Variants in ROBO1 observed in about 807,000 individuals in gnomAD.
ROBO1 encodes roundabout guidance receptor 1.
Under a neutral mutation model 195.9 loss-of-function variants are expected in ROBO1, and 149 were observed. The ratio of observed to expected loss-of-function variants is 0.76; its 90% confidence interval spans 0.67 to 0.87. The LOEUF is 0.87. Among genes scored for constraint, ROBO1 ranks in the 40% least tolerant of loss-of-function variants. The pLI, the probability that ROBO1 is intolerant of heterozygous loss-of-function variation, is 0.00. For missense variants in ROBO1, 1,933 were observed against 2,068.3 expected (o/e 0.93, Z 1.27); for synonymous variants, 816 against 733.2 (o/e 1.11, Z -1.82).
intron 4 of ROBO1, among the ~76,000 whole-genome samples, chr3:78,805,092 G>C (rs1177671651): frequency 6.6e-6 from 1 of 152,004 alleles, no homozygotes; most frequent in Non-Finnish European, 1.5e-5. Context: ...TGATTCATTT[G>C]ATCTTCAAAT....
At chr3:79,038,060 A>T (rs144279194) in intron 3 of ROBO1, among the ~76,000 whole-genome samples, 12 of 152,332 alleles carry the variant, frequency 7.9e-5, no homozygotes, top group African/African-American at 2.2e-4. Context: ...GCACTTTCTT[A>T]AACTTTACAG....
At chr3:79,043,222 C>CA (rs1196008398) in intron 3 of ROBO1, among the ~76,000 whole-genome samples, 1 of 151,960 alleles carries the variant, frequency 6.6e-6, no homozygotes, top group African/African-American at 2.4e-5. Flanking sequence ...TAATACAGTA[C>CA]AAAAAACAAG....
intron 2 of ROBO1, among the ~76,000 whole-genome samples, chr3:79,510,438 C>T (rs1414346124): frequency 6.6e-6 from 1 of 152,150 alleles, no homozygotes; most frequent in East Asian, 1.9e-4. Context: ...CATTCTCTGG[C>T]ATTTCTTCAT....
Position 78,617,860 on chromosome 3 carries a change from G to T in ROBO1, c.4057C>A (p.Gln1353Lys), listed in dbSNP as rs1418875341. 2 of 1,613,862 alleles carry T rather than the reference G, an allele frequency of 1.2e-6. No individual in the cohort carries two copies. The highest frequency in any genetic ancestry group is 1.7e-6 in the Non-Finnish European group (2 of 1,179,896). The change falls in exon 27 of 31, where the codon CAG becomes AAG. Residue 1353 changes from glutamine to lysine, a missense_variant. Gln to Lys is a moderately conservative substitution (Grantham distance 53, BLOSUM62 1). Coordinates refer to ENST00000464233, the MANE Select transcript of ROBO1 (RefSeq NM_002941.4). ...TRRLLLRGLEQTPASSVGDLE... is the reference protein window; with the variant it reads ...TRRLLLRGLEKTPASSVGDLE... ...TCCCCAACACTGGAGGCAGGTGTCT[G>T]CTCAAGCCCACGTAACAAAAGCCTT...
At chr3:79,017,450 AGTGT>A (rs60522056) in intron 3 of ROBO1, among the ~76,000 whole-genome samples, 2,927 of 133,442 alleles carry the variant, frequency 0.022, 45 homozygotes, top group South Asian at 0.05. Context: ...TCCGAGGTGC[AGTGT>A]GTGTGTGTGT....
At chr3:79,448,630 G>A (rs958514585) in intron 2 of ROBO1, among the ~76,000 whole-genome samples, 4 of 152,072 alleles carry the variant, frequency 2.6e-5, no homozygotes, top group African/African-American at 7.2e-5. Context: ...TCCTCACCGC[G>A]ATATGAGCTT....
chr3:79,409,689 G>A (rs1170660440), intron 2 of ROBO1, among the ~76,000 whole-genome samples: 1 of 152,066 alleles, frequency 6.6e-6, no homozygotes, highest in African/African-American at 2.4e-5. Context: ...ATTTGAATAG[G>A]AAAAGGTTGA....
chr3:79,175,443 G>A (rs1232222972), intron 2 of ROBO1, among the ~76,000 whole-genome samples: 1 of 152,130 alleles, frequency 6.6e-6, no homozygotes, highest in Non-Finnish European at 1.5e-5. Flanking sequence ...ACTCTGCCTG[G>A]CCCCACCCTG....
chr3:79,135,049 A>C (rs200303789), intron 2 of ROBO1, among the ~76,000 whole-genome samples: 1 of 66,556 alleles, frequency 1.5e-5, no homozygotes, highest in Non-Finnish European at 3.2e-5. Context: ...AAAAAAAAAC[A>C]TTAAAAAAAA....
chr3:79,452,321 C>G, intron 2 of ROBO1, among the ~76,000 whole-genome samples: 1 of 151,990 alleles, frequency 6.6e-6, no homozygotes, highest in East Asian at 1.9e-4. Flanking sequence ...CATATCACAC[C>G]ACTCATATCC....
chr3:78,764,437 C>A (rs1263280157), intron 4 of ROBO1, among the ~76,000 whole-genome samples: 1 of 151,986 alleles, frequency 6.6e-6, no homozygotes, highest in African/African-American at 2.4e-5. Context: ...TTTATTAAAA[C>A]AATTAAAAAA....
chr3:79,535,605 G>A (rs1030975337), intron 2 of ROBO1, among the ~76,000 whole-genome samples: 1 of 152,160 alleles, frequency 6.6e-6, no homozygotes, highest in Non-Finnish European at 1.5e-5. Flanking sequence ...GCAAAGTTAT[G>A]AGCATGATGT....
At chr3:79,555,606 C>T (rs543233410) in intron 2 of ROBO1, among the ~76,000 whole-genome samples, 1 of 152,206 alleles carries the variant, frequency 6.6e-6, no homozygotes, top group Admixed American at 6.5e-5. Context: ...TTCTGAACTG[C>T]ATTTTCATAG....
intron 2 of ROBO1, among the ~76,000 whole-genome samples, chr3:79,262,413 A>G (rs2082956318): frequency 6.6e-6 from 1 of 152,104 alleles, no homozygotes; most frequent in Non-Finnish European, 1.5e-5. Flanking sequence ...AGCTTGAATC[A>G]TTTAGAGACT....
At chr3:79,200,544 G>A (rs1484332370) in intron 2 of ROBO1, among the ~76,000 whole-genome samples, 2 of 151,710 alleles carry the variant, frequency 1.3e-5, no homozygotes, top group African/African-American at 2.4e-5. Flanking sequence ...ATTACATACT[G>A]TAATAAGAAA....
chr3:79,239,948 T>C (rs2082481719), intron 2 of ROBO1, among the ~76,000 whole-genome samples: 1 of 152,198 alleles, frequency 6.6e-6, no homozygotes, highest in African/African-American at 2.4e-5. Context: ...TGTTTTGGTA[T>C]ATCCTATCAA....
At chr3:78,736,036 C>T (rs2082384409) in intron 5 of ROBO1, among the ~76,000 whole-genome samples, 1 of 152,058 alleles carries the variant, frequency 6.6e-6, no homozygotes, top group African/African-American at 2.4e-5. Context: ...TATTTACTCA[C>T]ATAATTAACT....
chr3:79,211,904 G>A (rs1217338694), intron 2 of ROBO1, among the ~76,000 whole-genome samples: 1 of 152,186 alleles, frequency 6.6e-6, no homozygotes, highest in Non-Finnish European at 1.5e-5. Context: ...AGAGCTGAGA[G>A]CCTGGAACAG....
At chr3:79,232,292 A>G (rs1409992765) in intron 2 of ROBO1, among the ~76,000 whole-genome samples, 1 of 150,698 alleles carries the variant, frequency 6.6e-6, no homozygotes, top group Non-Finnish European at 1.5e-5. Flanking sequence ...CTGCACATCT[A>G]AAGAGGTAAC....
Sources: allele counts gnomAD v4.1 joint callset (sites outside exome capture counted in the v4.1 genomes callset), GRCh38; gene constraint gnomAD v4.1.1; transcripts MANE v1.5; gene names NCBI Gene and HGNC (gene_info 2026-07-23, HGNC 2026-07-21).